TXLNB: variants seen among roughly 807,000 people sequenced by gnomAD.
TXLNB encodes taxilin beta, also known as beta-taxilin.
Under a neutral mutation model 57.4 loss-of-function variants are expected in TXLNB, and 37 were observed. The observed-to-expected ratio is 0.64, with a 90% CI of 0.50 to 0.85. The LOEUF is 0.85. Among genes scored for constraint, TXLNB ranks in the 40% least tolerant of loss-of-function variants. The pLI is 0.00. For synonymous variants in TXLNB, 302 were observed against 309.6 expected (o/e 0.98, Z 0.26); for missense variants, 848 against 825.6 (o/e 1.03, Z -0.33).
chr6:139,301,824 C>A, the TXLNB span, among the ~76,000 whole-genome samples: 63 of 152,138 alleles, frequency 4.1e-4, 3 homozygotes, highest in African/African-American at 1.3e-3. Flanking sequence ...TCATTTAGTA[C>A]TTAGTAAGCA....
the TXLNB span, among the ~76,000 whole-genome samples, chr6:139,300,215 T>C: frequency 2.0e-5 from 3 of 152,220 alleles, no homozygotes; most frequent in Non-Finnish European, 4.4e-5. Flanking sequence ...GGTCACCTAG[T>C]TCTGAGCTGG....
At chr6:139,260,570 C>T in intron 5 of TXLNB, 133 bp from the exon 6 acceptor site, 1 of 950,524 alleles carries the variant, frequency 1.1e-6, no homozygotes, top group Non-Finnish European at 1.5e-6. Flanking sequence ...AATGCATTGG[C>T]ATCACTTACA....
At chr6:139,317,615 G>C in the TXLNB span, among the ~76,000 whole-genome samples, 1 of 152,212 alleles carries the variant, frequency 6.6e-6, no homozygotes, top group African/African-American at 2.4e-5. Flanking sequence ...TAGCCAGGAT[G>C]ATCTCGATCT....
intron 2 of TXLNB, among the ~76,000 whole-genome samples, chr6:139,281,588 G>C (rs1490574579): frequency 1.3e-5 from 1 of 79,174 alleles, no homozygotes; most frequent in Admixed American, 1.6e-4. Context: ...TCGCTCTGTC[G>C]CCCAGGCTGG....
At chr6:139,199,604 T>TG in the TXLNB span, among the ~76,000 whole-genome samples, 1 of 152,128 alleles carries the variant, frequency 6.6e-6, no homozygotes, top group African/African-American at 2.4e-5. Context: ...GCAGAGGAGT[T>TG]GGGGAGATGG....
chr6:139,227,353 C>CA, the TXLNB span, among the ~76,000 whole-genome samples: 3 of 141,106 alleles, frequency 2.1e-5, no homozygotes, highest in South Asian at 2.7e-4. Context: ...CAAAACAAAA[C>CA]AAACAAAAAA....
At chr6:139,251,814 T>C (rs751584310) in intron 7 of TXLNB, among the ~76,000 whole-genome samples, 49 of 152,328 alleles carry the variant, frequency 3.2e-4, no homozygotes, top group Non-Finnish European at 5.1e-4. Context: ...CCTGTGAGAT[T>C]TGGTTTGGGA....
At chr6:139,212,378 A>G in the TXLNB span, among the ~76,000 whole-genome samples, 1 of 152,034 alleles carries the variant, frequency 6.6e-6, no homozygotes, top group South Asian at 2.1e-4. Flanking sequence ...CAGCCAAACT[A>G]AGCTTCATAA....
intron 7 of TXLNB, among the ~76,000 whole-genome samples, chr6:139,248,927 CAG>C (rs1233009322): frequency 6.6e-6 from 1 of 152,252 alleles, no homozygotes; most frequent in Non-Finnish European, 1.5e-5. Context: ...TTTCAGACAT[CAG>C]AGTTTTGTAT....
At chr6:139,220,779 A>G in the TXLNB span, among the ~76,000 whole-genome samples, 3 of 152,236 alleles carry the variant, frequency 2.0e-5, no homozygotes, top group Non-Finnish European at 2.9e-5. Context: ...AAAGGTCAAA[A>G]TCTTAGCTAA....
the TXLNB span, among the ~76,000 whole-genome samples, chr6:139,222,002 T>C: frequency 2.6e-5 from 4 of 151,564 alleles, no homozygotes; most frequent in East Asian, 1.9e-4. Flanking sequence ...GAGGGGAATA[T>C]AATAAAAATA....
the TXLNB span, among the ~76,000 whole-genome samples, chr6:139,186,042 C>T: frequency 6.6e-6 from 1 of 152,082 alleles, no homozygotes; most frequent in African/African-American, 2.4e-5. Context: ...ACAAGTTGAC[C>T]CTATAATCAG....
At chr6:139,304,369 C>T in the TXLNB span, among the ~76,000 whole-genome samples, 1 of 152,064 alleles carries the variant, frequency 6.6e-6, no homozygotes, top group Non-Finnish European at 1.5e-5. Context: ...ATCCAAAATT[C>T]GGTTATATCA....
the TXLNB span, among the ~76,000 whole-genome samples, chr6:139,314,237 C>A: frequency 6.6e-6 from 1 of 152,130 alleles, no homozygotes; most frequent in Non-Finnish European, 1.5e-5. Flanking sequence ...GACTCTGGGA[C>A]CTTTTAGAGT....
chr6:139,288,644 T>C lies in TXLNB; in HGVS notation c.256A>G (p.Ser86Gly), dbSNP rs2114641669. The change falls in exon 2 of 10, where the codon AGT (serine) becomes GGT (glycine). Residue 86 changes from serine (S) to glycine (G), a missense_variant. By Grantham distance (56) the Ser-to-Gly change is moderately conservative. Transcript: ENST00000358430. ...TAGKEGSARA[S>G]EQPENAESPD... ...GATTCTGCATTCTCAGGCTGCTCAC[T>C]GGCCCTGGCAGAGCCCTCTTTCCCT... 1 of 1,614,204 alleles carries C rather than the reference T, an allele frequency of 6.2e-7. No individual in the cohort carries two copies. The highest frequency in any genetic ancestry group is 1.3e-5 in the African/African-American group (1 of 75,058).
chr6:139,225,432 C>T, the TXLNB span, among the ~76,000 whole-genome samples: 3 of 152,252 alleles, frequency 2.0e-5, no homozygotes, highest in Admixed American at 2.0e-4. Context: ...TATCCAAAAA[C>T]ATCTGCAAAT....
chr6:139,166,690 G>T, the TXLNB span: 2 of 1,612,608 alleles, frequency 1.2e-6, no homozygotes, highest in Non-Finnish European at 1.7e-6. Flanking sequence ...AAAAGTGCAG[G>T]CCCCCAAATA....
chr6:139,297,572 A>G, the TXLNB span, among the ~76,000 whole-genome samples: 13 of 152,330 alleles, frequency 8.5e-5, no homozygotes, highest in East Asian at 2.5e-3. Context: ...AAAATCAAGT[A>G]GCTTCCACGT....
At chr6:139,191,435 A>T in the TXLNB span, among the ~76,000 whole-genome samples, 1 of 152,322 alleles carries the variant, frequency 6.6e-6, no homozygotes, top group East Asian at 1.9e-4. Flanking sequence ...AAATAAAAAT[A>T]AAAAAATCCA....
Sources: gnomAD v4.1 joint callset for allele counts (sites outside exome capture counted in the v4.1 genomes callset) on GRCh38, gnomAD v4.1.1 for gene constraint, MANE v1.5 for transcripts, NCBI Gene and HGNC (gene_info 2026-07-23, HGNC 2026-07-21) for gene names.